The following RGPD8 variants were observed in gnomAD, a reference collection of about 807,000 sequenced individuals.
RGPD8 encodes the protein RANBP2-like and GRIP domain-containing protein 8.
RGPD8 carries 15 observed loss-of-function variants against 89.1 expected under a neutral mutation model. That is an observed-to-expected ratio of 0.17 (90% confidence interval 0.11 to 0.26). The LOEUF (loss-of-function observed/expected upper bound fraction) is 0.26, where lower values mean the gene tolerates loss of function less well. Among genes scored for constraint, RGPD8 ranks in the 10% least tolerant of loss-of-function variants. The pLI, the probability that RGPD8 is intolerant of heterozygous loss-of-function variation, is 1.00. For missense variants in RGPD8, 178 were observed against 1,179.6 expected (o/e 0.15, Z 12.44); for synonymous variants, 62 against 420.9 (o/e 0.15, Z 10.44).
At chr2:112,408,574 T>C (rs1679030345) in intron 7 of RGPD8, among the ~76,000 whole-genome samples, 2 of 150,176 alleles carry the variant, frequency 1.3e-5, no homozygotes, top group African/African-American at 4.9e-5. Context: ...CCTCAATTCA[T>C]AAACCCGGCC....
intron 1 of RGPD8, among the ~76,000 whole-genome samples, chr2:112,427,654 CT>C (rs779648536): frequency 1.1e-4 from 16 of 149,284 alleles, no homozygotes; most frequent in Admixed American, 1.3e-4. Flanking sequence ...AAATTTCTCT[CT>C]TTTTTTTTTA....
chr2:112,379,363 G>GAGGC (rs1187500545), intron 21 of RGPD8, among the ~76,000 whole-genome samples: 2 of 151,230 alleles, frequency 1.3e-5, no homozygotes, highest in Non-Finnish European at 2.9e-5. Flanking sequence ...TTGGGAGGCT[G>GAGGC]AGGCAGGCAG....
At chr2:112,432,520 AGAT>A (rs1176285500) in intron 1 of RGPD8, 1 of 985,264 alleles carries the variant, frequency 1.0e-6, no homozygotes, top group East Asian at 1.1e-4. Flanking sequence ...GTCCACGCTG[AGAT>A]GCCTACCTTG....
intron 20 of RGPD8, among the ~76,000 whole-genome samples, chr2:112,382,581 G>A (rs200388425): frequency 6.2e-3 from 936 of 150,102 alleles, no homozygotes; most frequent in Non-Finnish European, 8.1e-3. Flanking sequence ...GTCTAGAAGC[G>A]GGAGGTCTGT....
intron 3 of RGPD8, 21 bp downstream of exon 3, chr2:112,422,527 T>C (rs1679599619): frequency 6.2e-7 from 1 of 1,610,132 alleles, no homozygotes; most frequent in South Asian, 1.1e-5. Flanking sequence ...GCAAAGGCTA[T>C]ATTTGAATCC....
chr2:112,387,509 G>C (rs1262645018), intron 20 of RGPD8, among the ~76,000 whole-genome samples: 2 of 132,132 alleles, frequency 1.5e-5, no homozygotes, highest in African/African-American at 5.5e-5. Context: ...TTATAGGCAC[G>C]CACCACCATG....
At chr2:112,430,768 C>G (rs1679993992) in intron 1 of RGPD8, among the ~76,000 whole-genome samples, 1 of 151,840 alleles carries the variant, frequency 6.6e-6, no homozygotes, top group Non-Finnish European at 1.5e-5. Flanking sequence ...GGAGACCAGC[C>G]TGGGTAACAT....
chr2:112,431,334 A>T (rs1680023800), intron 1 of RGPD8, among the ~76,000 whole-genome samples: 1 of 152,092 alleles, frequency 6.6e-6, no homozygotes, highest in African/African-American at 2.4e-5. Flanking sequence ...TCTGTTTTAG[A>T]CTCTTACCAT....
At chr2:112,410,814 C>T (rs1162212087) in intron 7 of RGPD8, among the ~76,000 whole-genome samples, 2 of 151,952 alleles carry the variant, frequency 1.3e-5, no homozygotes, top group Non-Finnish European at 2.9e-5. Context: ...GCAGGGCATG[C>T]TGGCTCACTG....
At chr2:112,429,424 A>AG (rs1411340325) in intron 1 of RGPD8, among the ~76,000 whole-genome samples, 1 of 149,970 alleles carries the variant, frequency 6.7e-6, no homozygotes, top group East Asian at 1.9e-4. Flanking sequence ...TCAAAAAAAA[A>AG]AAAAAAAAAA....
chr2:112,385,509 AAGG>A (rs1678441571), intron 20 of RGPD8, among the ~76,000 whole-genome samples: 1 of 115,808 alleles, frequency 8.6e-6, no homozygotes, highest in African/African-American at 3.4e-5. Context: ...AAAACCTCAC[AAGG>A]TGGCTAGTCC....
chr2:112,371,108 C>A (rs1194565140), intron 22 of RGPD8, among the ~76,000 whole-genome samples: 1 of 149,800 alleles, frequency 6.7e-6, no homozygotes, highest in Non-Finnish European at 1.5e-5. Context: ...AATCTAAAAC[C>A]AATAGATTTA....
At chr2:112,429,006 C>A (rs3860386) in intron 1 of RGPD8, among the ~76,000 whole-genome samples, 141,243 of 142,434 alleles carry the variant, frequency 0.99, 70,028 homozygotes, top group Middle Eastern at 1. Flanking sequence ...TATTTACCTT[C>A]TATTTATATA....
At chr2:112,433,336 C>T (rs752114711) in intron 1 of RGPD8, 46 bp downstream of exon 1, 2 of 1,392,818 alleles carry the variant, frequency 1.4e-6, no homozygotes, top group South Asian at 1.3e-5. Flanking sequence ...GAGGCCGCCG[C>T]CGCCCGGCCG....
In RGPD8 at chr2:112,432,404, G is replaced by A. The variant is rs954704119; in HGVS notation, c.72+978C>T. The A allele has an allele frequency of 8.5e-6, 7 of 827,870 alleles. No homozygotes were observed. The African/African-American group carries it at 1.3e-4, about 15-fold the overall frequency. The allele number at this position is 827,870 out of a possible 1,614,324, so 51.3% of individuals were successfully genotyped here. A position where few individuals can be genotyped will look rare whatever the true frequency, so the allele number is the denominator to read the frequency against. On this transcript the variant is annotated intron_variant, in intron 1 of 22. Coordinates refer to ENST00000302558, the MANE Select transcript of RGPD8 (RefSeq NM_001164463.1). ...GGAGGGGGGCGAGGGAGGTGAGTAT[G>A]AGGAGTGGAGTGGAGCTGGACCCTT... is the stretch of plus-strand genomic sequence containing the variant.
chr2:112,430,713 C>T (rs1177974415), intron 1 of RGPD8, among the ~76,000 whole-genome samples: 3 of 151,336 alleles, frequency 2.0e-5, no homozygotes, highest in Non-Finnish European at 4.4e-5. Context: ...CCTGTAATCT[C>T]AGCACTTGGG....
rs1678020236 is a variant in RGPD8, at chr2:112,373,436, T to C, written c.5264-3224A>G. On this transcript the variant is annotated intron_variant, in intron 22 of 22. Transcript: ENST00000302558. Reference sequence around the variant, plus strand: ...CTTTTCAGAGTTGGGTAACCTACTTTACCCCCCTAAGCTAATGTTTCCCAA... The same window carrying C: ...CTTTTCAGAGTTGGGTAACCTACTTCACCCCCCTAAGCTAATGTTTCCCAA... Among the ~76,000 whole-genome samples, 3 of 152,304 alleles carry C rather than the reference T, an allele frequency of 2.0e-5. No homozygotes were observed. The South Asian group carries it at 6.2e-4, about 31-fold the overall frequency.
At chr2:112,402,589 T>G (rs1244946351) in intron 9 of RGPD8, among the ~76,000 whole-genome samples, 1 of 148,518 alleles carries the variant, frequency 6.7e-6, no homozygotes, top group East Asian at 2.0e-4. Context: ...TTTGGCAATT[T>G]GCAAGACTTA....
At chr2:112,433,308 C>G in intron 1 of RGPD8, 74 bp downstream of exon 1, 1 of 1,488,276 alleles carries the variant, frequency 6.7e-7, no homozygotes, top group South Asian at 1.3e-5. Context: ...CCCATCGAGG[C>G]CGCCGCCGGG....
Sources: allele counts gnomAD v4.1 joint callset (sites outside exome capture counted in the v4.1 genomes callset), GRCh38; gene constraint gnomAD v4.1.1; transcripts MANE v1.5; gene names NCBI Gene and HGNC (gene_info 2026-07-23, HGNC 2026-07-21).